SETX: variants seen among roughly 807,000 people sequenced by gnomAD.
The protein encoded by SETX is helicase senataxin.
SETX carries 90 observed loss-of-function variants against 227.2 expected under a neutral mutation model. The ratio of observed to expected loss-of-function variants is 0.40; its 90% CI spans 0.33 to 0.47. The LOEUF (loss-of-function observed/expected upper bound fraction) is 0.47, where lower values mean the gene tolerates loss of function less well. SETX is among the 20% of genes least tolerant of loss of function. SETX has a pLI of 0.91. For missense variants in SETX, 3,052 were observed against 3,181.5 expected, an observed-to-expected ratio of 0.96 and a Z score of 0.98; for synonymous variants, 1,210 against 1,113.2, an observed-to-expected ratio of 1.09 and a Z score of -1.73.
intron 21 of SETX, among the ~76,000 whole-genome samples, 177 bp from the exon 22 acceptor site, chr9:132,277,329 T>G (rs1014430415): frequency 6.6e-6 from 1 of 152,214 alleles, no homozygotes; most frequent in Non-Finnish European, 1.5e-5. Context: ...TCTATTTCTT[T>G]CCTGGTGCTG....
chr9:132,271,836 T>G (rs1288141341), intron 23 of SETX, 28 bp from the exon 24 acceptor site: 2 of 1,574,678 alleles, frequency 1.3e-6, no homozygotes, highest in African/African-American at 1.3e-5. Context: ...ACATATTTAC[T>G]GGAAAAAGGA....
chr9:132,269,437 C>T, intron 25 of SETX, 178 bp downstream of exon 25: 1 of 1,574,212 alleles, frequency 6.4e-7, no homozygotes, highest in Non-Finnish European at 8.7e-7. Context: ...GGGTTCTGGG[C>T]TGAAAAAAGG....
intron 3 of SETX, 144 bp downstream of exon 3, chr9:132,349,108 A>G (rs1250384804): frequency 1.2e-6 from 1 of 826,314 alleles, no homozygotes; most frequent in East Asian, 2.7e-5. Flanking sequence ...TCTAACAACA[A>G]CAAAAACAAA....
At chr9:132,280,045 A>G (rs1843410071) in intron 20 of SETX, among the ~76,000 whole-genome samples, 1 of 152,188 alleles carries the variant, frequency 6.6e-6, no homozygotes, top group Non-Finnish European at 1.5e-5. Flanking sequence ...TGTTTTCTTC[A>G]CTGTCATAAC....
In SETX at chr9:132,336,360, C is replaced by G. The variant is rs117861188; in HGVS notation, c.654G>C (p.Lys218Asn). 9.2e-4 allele frequency: 1,491 copies of G among 1,614,082 alleles called. 4 individuals carry two copies. Among genetic ancestry groups the G allele is most frequent in the Non-Finnish European group, 1.2e-3 (1,456 of 1,179,998 alleles). Residue 218 changes from lysine to asparagine, a missense_variant, in exon 6 of 26, where the codon AAG becomes AAC. Lys to Asn is a moderately conservative substitution (Grantham distance 94). Coordinates refer to ENST00000224140, the MANE Select transcript of SETX (RefSeq NM_015046.7). ...GTGAGGGCAGAAGAATCAGTTTACC[C>G]TTCTCTAGGACAGAAGAAGTATAAA... ...PDIYTSSVLE[K>N]GKLILLPSHM...
At position 132,328,409 on chromosome 9, in the gene SETX, C is replaced by A. The variant is rs1462755760; in HGVS notation, c.3189G>T (p.Lys1063Asn). The change falls in exon 10 of 26, where the codon AAG (lysine) becomes AAT (asparagine). Residue 1063 changes from lysine to asparagine, a missense_variant. Physicochemically the swap from Lys to Asn is moderately conservative, Grantham distance 94. This residue lies in a region of SETX where 1,483 missense variants were observed against 1,312.0 expected (regional missense o/e 1.13). Coordinates refer to ENST00000224140, the MANE Select transcript of SETX (RefSeq NM_015046.7). ...VNSKEEKNPV[K>N]EEKTETLFQF... ...GAAAAAGAGTCTCTGTCTTTTCTTC[C>A]TTTACTGGATTCTTTTCCTCCTTAC... 2.5e-6 allele frequency: 4 copies of A among 1,613,762 alleles called. No homozygotes were observed. Among genetic ancestry groups the A allele is most frequent in the Non-Finnish European group, 2.5e-6 (3 of 1,179,982 alleles).
In SETX at chr9:132,283,418, G is replaced by T; in HGVS notation, c.6397-5C>A. ...TTTCTGTGGGCGTCCTTGAACCTAA[G>T]AGAACAAAGGTTAAATCAATATTCA... On this transcript the variant is annotated splice_region_variant and splice_polypyrimidine_tract_variant and intron_variant, in intron 18 of 25. Coordinates refer to ENST00000224140, the MANE Select transcript of SETX (RefSeq NM_015046.7). 1 of 1,614,138 alleles carries T rather than the reference G, an allele frequency of 6.2e-7. No homozygotes were observed. The highest frequency in any genetic ancestry group is 8.5e-7 in the Non-Finnish European group (1 of 1,180,018).
In SETX at chr9:132,329,540, C is replaced by T; in HGVS notation, c.2058G>A (p.Gly686=). Residue 686 remains glycine, a synonymous_variant, in exon 10 of 26, where the codon GGG becomes GGA. Coordinates refer to ENST00000224140, the MANE Select transcript of SETX (RefSeq NM_015046.7). ...TTTTACTACTCTGCTTTAAGCATGA[C>T]CCAGCTAAGAGATGGTCCTCTAGTT... ...DVKLEDHLLA[G]SCLKQSSKNI... The T allele has an allele frequency of 6.2e-7, 1 of 1,613,162 alleles. No individual in the cohort carries two copies. Among genetic ancestry groups the T allele is most frequent in the Non-Finnish European group, 8.5e-7 (1 of 1,179,982 alleles).
At chr9:132,279,284 G>A (rs1843360364) in intron 20 of SETX, among the ~76,000 whole-genome samples, 1 of 152,108 alleles carries the variant, frequency 6.6e-6, no homozygotes, top group Non-Finnish European at 1.5e-5. Context: ...GGGAGGGGGA[G>A]GGATAGCATT....
chr9:132,270,813 G>A (rs1842868230), intron 24 of SETX, among the ~76,000 whole-genome samples: 1 of 152,148 alleles, frequency 6.6e-6, no homozygotes, highest in Non-Finnish European at 1.5e-5. Flanking sequence ...ATCAGAAAAA[G>A]AGCTCAGAAA....
intron 17 of SETX, 66 bp from the exon 18 acceptor site, chr9:132,286,560 C>T: frequency 2.8e-6 from 3 of 1,083,684 alleles, no homozygotes; most frequent in Non-Finnish European, 4.3e-6. Context: ...TTCCAATGGA[C>T]TACCTCTAAT....
rs992527282 is a variant in SETX at position 132,264,828 on chromosome 9, T to C, written c.7445A>G (p.Glu2482Gly). 5 of 1,614,098 alleles carry C rather than the reference T, an allele frequency of 3.1e-6. No homozygotes were observed. The highest frequency in any genetic ancestry group is 1.3e-5 in the African/African-American group (1 of 74,922). ...CAAACCACCCTGGGGTCTGGACCCC[T>C]CTGGGGCTATGGTAGGAGGGTGAGT... is the stretch of plus-strand genomic sequence containing the variant. ...SLTHPPTIAP[E>G]GSRPQGGLPS... Residue 2482 changes from glutamate (E) to glycine (G), a missense_variant, in exon 26 of 26, where the codon GAG (glutamate) becomes GGG (glycine). Transcript: ENST00000224140.
upstream of SETX, among the ~76,000 whole-genome samples, chr9:132,355,300 G>A (rs1363303404): frequency 6.6e-6 from 1 of 152,168 alleles, no homozygotes; most frequent in Non-Finnish European, 1.5e-5. Flanking sequence ...GCTCTGCTGC[G>A]GGTGGGGTCA....
At chr9:132,293,160 T>C (rs899807461) in intron 15 of SETX, among the ~76,000 whole-genome samples, 1 of 152,160 alleles carries the variant, frequency 6.6e-6, no homozygotes, top group African/African-American at 2.4e-5. Context: ...TAATTTACCA[T>C]ATTAACAGAT....
intron 15 of SETX, among the ~76,000 whole-genome samples, chr9:132,291,113 CATTTT>C (rs1253893292): frequency 6.8e-6 from 1 of 146,584 alleles, no homozygotes; most frequent in Non-Finnish European, 1.5e-5. Flanking sequence ...CAGTTCAGCT[CATTTT>C]CCTAAATTTA....
At chr9:132,325,215 C>G (rs941294370) in intron 10 of SETX, among the ~76,000 whole-genome samples, 6 of 151,964 alleles carry the variant, frequency 3.9e-5, no homozygotes, top group East Asian at 1.9e-4. Flanking sequence ...AATTAGCCGG[C>G]CGTGGTGGCG....
At chr9:132,271,941 G>A (rs1184796265) in intron 23 of SETX, 133 bp from the exon 24 acceptor site, 7 of 657,832 alleles carry the variant, frequency 1.1e-5, no homozygotes, top group Admixed American at 2.5e-5. Context: ...GGAGTGCAGT[G>A]GCGCGATCTC....
chr9:132,349,587 A>T (rs1456650481), intron 2 of SETX, among the ~76,000 whole-genome samples, 152 bp from the exon 3 acceptor site: 1 of 152,218 alleles, frequency 6.6e-6, no homozygotes, highest in Non-Finnish European at 1.5e-5. Context: ...TCAATCACTG[A>T]TTCACTAAAC....
chr9:132,319,514 T>G (rs984035482), intron 10 of SETX, among the ~76,000 whole-genome samples: 3 of 152,212 alleles, frequency 2.0e-5, no homozygotes, highest in Non-Finnish European at 2.9e-5. Context: ...TTACCCCTTA[T>G]CAGCTACTTC....
Sources: allele counts gnomAD v4.1 joint callset (sites outside exome capture counted in the v4.1 genomes callset), GRCh38; gene constraint gnomAD v4.1.1; regional missense constraint gnomAD v4.1.1; transcripts MANE v1.5; gene names NCBI Gene and HGNC (gene_info 2026-07-23, HGNC 2026-07-21).